LUZP2: variants seen among roughly 807,000 people sequenced by gnomAD.
LUZP2 encodes leucine zipper protein 2.
In LUZP2, 52 loss-of-function variants were observed where a neutral mutation model predicts 51.6. The ratio of observed to expected loss-of-function variants is 1.01; its 90% CI spans 0.81 to 1.27. LUZP2 has a LOEUF of 1.27. LUZP2 is among the 50% of genes most tolerant of loss of function. The pLI, the probability that LUZP2 is intolerant of heterozygous loss-of-function variation, is 0.00. For missense variants in LUZP2, 436 were observed against 395.4 expected, an observed-to-expected ratio of 1.10 and a Z score of -0.87; for synonymous variants, 154 against 137.3, an observed-to-expected ratio of 1.12 and a Z score of -0.85.
chr11:24,618,177 T>C (rs1242222574), intron 1 of LUZP2, among the ~76,000 whole-genome samples: 2 of 152,060 alleles, frequency 1.3e-5, no homozygotes, highest in African/African-American at 2.4e-5. Flanking sequence ...TGGGCAGTGA[T>C]GAAAGTCCCG....
intron 7 of LUZP2, among the ~76,000 whole-genome samples, chr11:24,917,526 G>T (rs1853831981): frequency 6.6e-6 from 1 of 152,232 alleles, no homozygotes; most frequent in East Asian, 1.9e-4. Context: ...GTGTAAGGAA[G>T]GGATCCAATT....
At chr11:24,931,456 T>C (rs1043507892) in intron 7 of LUZP2, among the ~76,000 whole-genome samples, 1 of 152,020 alleles carries the variant, frequency 6.6e-6, no homozygotes, top group South Asian at 2.1e-4. Flanking sequence ...AGACAAAGTA[T>C]AGAGAAAGAA....
intron 7 of LUZP2, among the ~76,000 whole-genome samples, chr11:24,922,838 T>C (rs1180232475): frequency 1.4e-5 from 1 of 70,216 alleles, no homozygotes; most frequent in Admixed American, 1.2e-4. Flanking sequence ...TTTTTTTTTC[T>C]TTTTTTTTTT....
chr11:24,643,424 T>C (rs1476267306), intron 1 of LUZP2, among the ~76,000 whole-genome samples: 1 of 152,094 alleles, frequency 6.6e-6, no homozygotes, highest in Admixed American at 6.6e-5. Flanking sequence ...AAGAATTATT[T>C]GTAGAACAAG....
In LUZP2 at chr11:25,055,043, G is replaced by T. The variant is rs565082143; in HGVS notation, c.858+4913G>T. 1.8e-3 allele frequency among the ~76,000 whole-genome samples: 225 copies of T among 124,048 alleles called. 2 individuals are homozygous for T. Among genetic ancestry groups the T allele is most frequent in the Middle Eastern group, 6.0e-3 (1 of 168 alleles). The allele number at this position is 124,048 out of a possible 152,430, so 81.4% of individuals were successfully genotyped here. A position where few individuals can be genotyped will look rare whatever the true frequency, so the allele number is the denominator to read the frequency against. On this transcript the variant is annotated intron_variant, in intron 10 of 11. Transcript: ENST00000336930. ...TTTTTTTTTTTCGAGGCGGAGTCTC[G>T]CTGTGTCACCAGGCTGGAGTGCCCT...
At chr11:24,886,078 A>G (rs534230351) in intron 5 of LUZP2, among the ~76,000 whole-genome samples, 5 of 152,330 alleles carry the variant, frequency 3.3e-5, no homozygotes, top group Admixed American at 2.0e-4. Flanking sequence ...TTAAATTATT[A>G]TTCATGTGTG....
At chr11:25,022,906 T>A (rs1857382105) in intron 9 of LUZP2, among the ~76,000 whole-genome samples, 1 of 152,142 alleles carries the variant, frequency 6.6e-6, no homozygotes, top group Non-Finnish European at 1.5e-5. Flanking sequence ...ATTGAGATAA[T>A]CATGTGATTT....
rs568835779 is a variant in LUZP2 at position 24,754,213 on chromosome 11, T to C, written c.334-9033T>C. 1.6e-4 allele frequency among the ~76,000 whole-genome samples: 25 copies of C among 152,266 alleles called. No homozygotes were observed. The South Asian group carries it at 5.2e-3, about 32-fold the overall frequency. On this transcript the variant is annotated intron_variant, in intron 4 of 11. Coordinates refer to ENST00000336930, the MANE Select transcript of LUZP2 (RefSeq NM_001009909.4). ...GGTTTCACTATGTTGCCCAGACTGG[T>C]CTTGAACTCCTGGCCTCAAGCAATC...
At chr11:24,827,668 C>A (rs890599486) in intron 5 of LUZP2, among the ~76,000 whole-genome samples, 1 of 152,074 alleles carries the variant, frequency 6.6e-6, no homozygotes, top group Non-Finnish European at 1.5e-5. Flanking sequence ...TAGGTGGAAA[C>A]CAGACCAGGC....
intron 5 of LUZP2, among the ~76,000 whole-genome samples, chr11:24,824,491 G>T (rs113560591): frequency 2.7e-5 from 4 of 149,024 alleles, no homozygotes; most frequent in African/African-American, 4.9e-5. Context: ...CAACTAGAAA[G>T]ATATTAGTTA....
rs185878060 is a variant in LUZP2, at chr11:24,733,898, G to C, written c.251+1710G>C. Among the ~76,000 whole-genome samples the C allele has an allele frequency of 5.9e-5, 9 of 151,802 alleles. 1 individual carries two copies. Among genetic ancestry groups the C allele is most frequent in the African/African-American group, 2.2e-4 (9 of 41,492 alleles). On this transcript the variant is annotated intron_variant, in intron 3 of 11. Transcript: ENST00000336930. ...ACAATACATGTGCAGCACCCAGTGA[G>C]AGACTGAGGAAGATATAGTGAGTTT...
At chr11:25,029,487 C>T (rs1452390815) in intron 9 of LUZP2, among the ~76,000 whole-genome samples, 1 of 151,964 alleles carries the variant, frequency 6.6e-6, no homozygotes, top group Non-Finnish European at 1.5e-5. Context: ...CCTGTAATCC[C>T]AGTACTTTGG....
chr11:24,735,620 T>G (rs1466969568), intron 3 of LUZP2, among the ~76,000 whole-genome samples: 1 of 151,918 alleles, frequency 6.6e-6, no homozygotes, highest in Non-Finnish European at 1.5e-5. Context: ...AGAAATGCCT[T>G]TTTGTAGAGT....
chr11:24,824,445 G>A (rs886596222), intron 5 of LUZP2, among the ~76,000 whole-genome samples: 11 of 148,056 alleles, frequency 7.4e-5, no homozygotes, highest in African/African-American at 2.2e-4. Context: ...TTTCTGTTAG[G>A]GAAAACATGT....
chr11:25,035,373 C>T (rs898672896), intron 9 of LUZP2, among the ~76,000 whole-genome samples: 5 of 152,038 alleles, frequency 3.3e-5, no homozygotes, highest in Admixed American at 6.6e-5. Flanking sequence ...AAATCAGTAG[C>T]ATTTCTACAC....
At chr11:24,904,631 T>C (rs542762260) in intron 5 of LUZP2, among the ~76,000 whole-genome samples, 3 of 152,168 alleles carry the variant, frequency 2.0e-5, no homozygotes, top group African/African-American at 2.4e-5. Context: ...TTGCTTTTGA[T>C]TTGTGTTCTT....
chr11:24,792,537 C>T (rs2134097846), intron 5 of LUZP2, among the ~76,000 whole-genome samples: 1 of 152,036 alleles, frequency 6.6e-6, no homozygotes, highest in African/African-American at 2.4e-5. Flanking sequence ...CTTATATTAC[C>T]ACATATCTTT....
intron 10 of LUZP2, among the ~76,000 whole-genome samples, chr11:25,069,959 T>C (rs1859106925): frequency 6.6e-6 from 1 of 151,904 alleles, no homozygotes; most frequent in Non-Finnish European, 1.5e-5. Flanking sequence ...CTTATTTATT[T>C]AAATAAATAC....
chr11:24,630,134 T>G (rs1009523040), intron 1 of LUZP2, among the ~76,000 whole-genome samples: 1 of 151,792 alleles, frequency 6.6e-6, no homozygotes, highest in African/African-American at 2.4e-5. Flanking sequence ...TCTTGCATCC[T>G]GTAAGTTGTC....
Sources: gnomAD v4.1 joint callset for allele counts (sites outside exome capture counted in the v4.1 genomes callset) on GRCh38, gnomAD v4.1.1 for gene constraint, MANE v1.5 for transcripts, NCBI Gene and HGNC (gene_info 2026-07-23, HGNC 2026-07-21) for gene names.